BCAS1: variants seen among roughly 807,000 people sequenced by gnomAD.
The protein encoded by BCAS1 is breast carcinoma-amplified sequence 1.
Under a neutral mutation model 65.4 loss-of-function variants are expected in BCAS1, and 46 were observed. The ratio of observed to expected loss-of-function variants is 0.70; its 90% confidence interval spans 0.55 to 0.90. The LOEUF (loss-of-function observed/expected upper bound fraction) is 0.90. Among genes scored for constraint, BCAS1 ranks in the 40% least tolerant of loss-of-function variants. BCAS1 has a pLI of 0.00. For missense variants in BCAS1, 793 were observed against 771.2 expected (o/e 1.03, Z -0.33); for synonymous variants, 298 against 293.5 (o/e 1.02, Z -0.16).
intron 4 of BCAS1, among the ~76,000 whole-genome samples, 200 bp from the exon 5 acceptor site, chr20:53,996,250 G>C (rs994815662): frequency 2.6e-5 from 4 of 152,110 alleles, no homozygotes; most frequent in African/African-American, 9.7e-5. Flanking sequence ...AGCATTTGCT[G>C]TTGGTTGGAG....
Position 53,966,989 on chromosome 20 carries a change from C to A in BCAS1, c.1402G>T (p.Ala468Ser). The A allele has an allele frequency of 6.2e-7, 1 of 1,613,372 alleles. No individual in the cohort carries two copies. The highest frequency in any genetic ancestry group is 8.5e-7 in the Non-Finnish European group (1 of 1,179,654). The change falls in exon 10 of 13, where the codon GCT becomes TCT. Residue 468 changes from alanine (A) to serine (S), a missense_variant. Physicochemically the swap from Ala to Ser is moderately conservative, Grantham distance 99. Coordinates refer to ENST00000688948, the MANE Select transcript of BCAS1 (RefSeq NM_001366298.2). ...LQTVDLNEGD[A>S]APEPTEAKLK... ...TTCGCTTCTGTGGGTTCAGGTGCAG[C>A]ATCTCCTTCGTTGAGGTCCACTGTT...
intron 12 of BCAS1, 98 bp from the exon 13 acceptor site, chr20:53,945,094 G>T: frequency 9.5e-7 from 1 of 1,057,120 alleles, no homozygotes; most frequent in Non-Finnish European, 1.5e-6. Flanking sequence ...GCTAGGTGTT[G>T]GGCTAAATTA....
chr20:53,946,196 C>A (rs2089309102), intron 12 of BCAS1, among the ~76,000 whole-genome samples: 1 of 152,012 alleles, frequency 6.6e-6, no homozygotes, highest in South Asian at 2.1e-4. Context: ...CCCCCTAAAA[C>A]CACCATCCAA....
At chr20:54,026,026 C>T (rs1423185655) in intron 4 of BCAS1, among the ~76,000 whole-genome samples, 1 of 152,100 alleles carries the variant, frequency 6.6e-6, no homozygotes, top group African/African-American at 2.4e-5. Flanking sequence ...TTCTCATGTA[C>T]ATAGTACAAA....
intron 1 of BCAS1, among the ~76,000 whole-genome samples, chr20:54,058,971 T>C (rs561645190): frequency 1.8e-3 from 272 of 152,188 alleles, no homozygotes; most frequent in African/African-American, 5.9e-3. Flanking sequence ...CGCAGGAAAC[T>C]TACAATCGTG....
At chr20:54,057,138 T>C (rs1401452943) in intron 3 of BCAS1, among the ~76,000 whole-genome samples, 2 of 152,248 alleles carry the variant, frequency 1.3e-5, no homozygotes, top group African/African-American at 4.8e-5. Context: ...TACAGTCTTA[T>C]ACTCCAGGAT....
At chr20:54,029,235 C>A in intron 3 of BCAS1, 1 of 985,210 alleles carries the variant, frequency 1.0e-6, no homozygotes, top group Non-Finnish European at 1.2e-6. Context: ...GAGTGATATT[C>A]AATGTTAATT....
chr20:54,054,816 T>C (rs2092271644), intron 3 of BCAS1, among the ~76,000 whole-genome samples: 1 of 152,212 alleles, frequency 6.6e-6, no homozygotes, highest in African/African-American at 2.4e-5. Context: ...TGTCCTACGT[T>C]TCAAGAGAAA....
At chr20:53,958,103 G>A (rs1479751533) in intron 10 of BCAS1, among the ~76,000 whole-genome samples, 1 of 152,048 alleles carries the variant, frequency 6.6e-6, no homozygotes, top group Non-Finnish European at 1.5e-5. Flanking sequence ...GGCAAATTCT[G>A]GAGACCCAGG....
chr20:54,062,378 T>G (rs1462127980), intron 1 of BCAS1, among the ~76,000 whole-genome samples: 1 of 152,224 alleles, frequency 6.6e-6, no homozygotes, highest in African/African-American at 2.4e-5. Flanking sequence ...GGTATTATTA[T>G]TTCAATTTTG....
At chr20:53,949,598 C>T (rs1600682931) in intron 12 of BCAS1, among the ~76,000 whole-genome samples, 1 of 152,240 alleles carries the variant, frequency 6.6e-6, no homozygotes, top group African/African-American at 2.4e-5. Flanking sequence ...GCTTGAAAGT[C>T]TTCGAGGCTT....
intron 3 of BCAS1, among the ~76,000 whole-genome samples, chr20:54,045,222 A>AAAC (rs2092080792): frequency 6.7e-6 from 1 of 149,022 alleles, no homozygotes; most frequent in African/African-American, 2.5e-5. Flanking sequence ...AAAAAAAAAA[A>AAAC]AAAACAAAAC....
At chr20:54,067,314 T>C (rs758945570) in intron 1 of BCAS1, among the ~76,000 whole-genome samples, 2 of 151,470 alleles carry the variant, frequency 1.3e-5, no homozygotes, top group Non-Finnish European at 2.9e-5. Flanking sequence ...AAGCGGAGGT[T>C]GCAGTGAGCC....
At chr20:54,041,781 C>T (rs1180506842) in intron 3 of BCAS1, among the ~76,000 whole-genome samples, 1 of 151,374 alleles carries the variant, frequency 6.6e-6, no homozygotes, top group Non-Finnish European at 1.5e-5. Flanking sequence ...CGCCTGTAAT[C>T]TCAGCTACTT....
chr20:53,989,092 A>G (rs895383493), intron 7 of BCAS1, among the ~76,000 whole-genome samples: 1 of 152,244 alleles, frequency 6.6e-6, no homozygotes, highest in Admixed American at 6.5e-5. Flanking sequence ...CTAAAGAATT[A>G]CAGTGCATTA....
At chr20:54,068,955 T>C (rs555993790) in intron 1 of BCAS1, among the ~76,000 whole-genome samples, 52 of 152,284 alleles carry the variant, frequency 3.4e-4, no homozygotes, top group African/African-American at 1.2e-3. Flanking sequence ...CCATGGGCTT[T>C]AACGGGCCCA....
intron 4 of BCAS1, among the ~76,000 whole-genome samples, chr20:54,016,149 C>G (rs1482968315): frequency 1.3e-5 from 2 of 152,196 alleles, no homozygotes; most frequent in Non-Finnish European, 2.9e-5. Flanking sequence ...CTTCACCTGA[C>G]CAATTCTATT....
chr20:54,018,072 G>C (rs954013912), intron 4 of BCAS1, among the ~76,000 whole-genome samples: 12 of 152,142 alleles, frequency 7.9e-5, no homozygotes, highest in Non-Finnish European at 1.6e-4. Context: ...TCTAAGAATT[G>C]TTTGGCCCGT....
intron 3 of BCAS1, among the ~76,000 whole-genome samples, chr20:54,055,260 A>G (rs1445962891): frequency 1.3e-5 from 2 of 152,212 alleles, no homozygotes; most frequent in Admixed American, 1.3e-4. Flanking sequence ...TAAAAAATAA[A>G]ACTACTATAT....
Sources: gnomAD v4.1 joint callset for allele counts (sites outside exome capture counted in the v4.1 genomes callset) on GRCh38, gnomAD v4.1.1 for gene constraint, MANE v1.5 for transcripts, NCBI Gene and HGNC (gene_info 2026-07-23, HGNC 2026-07-21) for gene names.